TFDP2: variants seen among roughly 807,000 people sequenced by gnomAD.
TFDP2 encodes the protein transcription factor Dp-2.
TFDP2 carries 17 observed loss-of-function variants against 59.3 expected under a neutral mutation model. The ratio of observed to expected loss-of-function variants is 0.29; its 90% CI spans 0.20 to 0.43. The LOEUF (loss-of-function observed/expected upper bound fraction) is 0.43. TFDP2 is among the 20% of genes least tolerant of loss of function. The pLI is 1.00. For synonymous variants in TFDP2, 180 were observed against 194.7 expected (o/e 0.92, Z 0.63); for missense variants, 391 against 528.8 (o/e 0.74, Z 2.56).
intron 1 of TFDP2, among the ~76,000 whole-genome samples, chr3:142,144,106 G>A (rs1051231374): frequency 6.6e-6 from 1 of 152,166 alleles, no homozygotes; most frequent in African/African-American, 2.4e-5. Flanking sequence ...AGGCACGATG[G>A]CTCACATCTG....
At chr3:142,100,724 A>T (rs746466680) in intron 2 of TFDP2, among the ~76,000 whole-genome samples, 2 of 151,126 alleles carry the variant, frequency 1.3e-5, no homozygotes, top group Non-Finnish European at 2.9e-5. Flanking sequence ...GTCCCCTAAC[A>T]TATAGATGGA....
chr3:142,072,063 T>C (rs1003830837), intron 3 of TFDP2, among the ~76,000 whole-genome samples: 4 of 152,112 alleles, frequency 2.6e-5, no homozygotes, highest in Admixed American at 6.6e-5. Flanking sequence ...CATGGAACAC[T>C]ATAGCATTTA....
intron 11 of TFDP2, among the ~76,000 whole-genome samples, chr3:141,956,508 C>T (rs1186764936): frequency 6.6e-6 from 1 of 151,860 alleles, no homozygotes; most frequent in East Asian, 1.9e-4. Context: ...GCTGAGACTG[C>T]ACCATTGCAC....
intron 3 of TFDP2, among the ~76,000 whole-genome samples, chr3:142,025,662 A>C (rs1043584852): frequency 2.0e-5 from 3 of 152,180 alleles, no homozygotes; most frequent in Non-Finnish European, 4.4e-5. Flanking sequence ...ATAGTTTGTA[A>C]ATCCATTTTA....
chr3:142,092,734 A>T (rs1244944493), intron 3 of TFDP2, among the ~76,000 whole-genome samples: 1 of 152,224 alleles, frequency 6.6e-6, no homozygotes, highest in Non-Finnish European at 1.5e-5. Context: ...TATTTTCTCT[A>T]CTGTACTTCC....
intron 3 of TFDP2, among the ~76,000 whole-genome samples, chr3:142,022,995 C>T (rs1465865071): frequency 6.6e-6 from 1 of 151,146 alleles, no homozygotes; most frequent in Non-Finnish European, 1.5e-5. Context: ...TGGCATGCGC[C>T]CGTAGTCCCA....
At chr3:141,957,998 C>G (rs1936903799) in intron 11 of TFDP2, among the ~76,000 whole-genome samples, 1 of 152,028 alleles carries the variant, frequency 6.6e-6, no homozygotes, top group Non-Finnish European at 1.5e-5. Context: ...TTTAGAAAAG[C>G]TACAATGGTA....
intron 1 of TFDP2, among the ~76,000 whole-genome samples, chr3:142,114,276 A>G (rs2108679178): frequency 6.6e-6 from 1 of 152,336 alleles, no homozygotes; most frequent in Non-Finnish European, 1.5e-5. Flanking sequence ...AGTTTAAATA[A>G]ATGTTACTAT....
intron 3 of TFDP2, among the ~76,000 whole-genome samples, chr3:142,039,870 TG>T (rs1372524728): frequency 6.6e-6 from 1 of 152,114 alleles, no homozygotes; most frequent in Non-Finnish European, 1.5e-5. Context: ...AAAAACCATC[TG>T]GTACCCCAGG....
At chr3:141,959,375 G>A (rs1389641758) in intron 11 of TFDP2, among the ~76,000 whole-genome samples, 1 of 152,064 alleles carries the variant, frequency 6.6e-6, no homozygotes, top group African/African-American at 2.4e-5. Context: ...CTCTAACTAG[G>A]CTCTAAGCTA....
At chr3:142,006,024 C>T (rs751937735) in intron 3 of TFDP2, among the ~76,000 whole-genome samples, 7 of 152,088 alleles carry the variant, frequency 4.6e-5, no homozygotes, top group Non-Finnish European at 1.0e-4. Context: ...AACATATTTT[C>T]AAACTGTCAA....
chr3:142,112,660 G>C (rs111736639), intron 1 of TFDP2, among the ~76,000 whole-genome samples: 1 of 152,186 alleles, frequency 6.6e-6, no homozygotes, highest in African/African-American at 2.4e-5. Flanking sequence ...CACTGAGGTA[G>C]AATTCTTCTG....
chr3:142,119,011 A>C (rs1365937628), intron 1 of TFDP2, among the ~76,000 whole-genome samples: 2 of 152,160 alleles, frequency 1.3e-5, no homozygotes, highest in Non-Finnish European at 2.9e-5. Context: ...ATACAAAAAA[A>C]CTAACTGGGT....
intron 6 of TFDP2, among the ~76,000 whole-genome samples, 162 bp downstream of exon 6, chr3:141,993,376 G>C (rs998065186): frequency 2.0e-5 from 3 of 152,164 alleles, no homozygotes; most frequent in African/African-American, 7.2e-5. Context: ...CAGATACTAT[G>C]AGTGAACTGG....
intron 3 of TFDP2, among the ~76,000 whole-genome samples, chr3:142,052,660 G>A (rs1947695369): frequency 6.6e-6 from 1 of 151,908 alleles, no homozygotes; most frequent in Non-Finnish European, 1.5e-5. Context: ...TAACTCCTGG[G>A]CTCAAGGGAT....
intron 3 of TFDP2, among the ~76,000 whole-genome samples, chr3:142,015,746 A>G (rs78719490): frequency 0.07 from 10,597 of 152,304 alleles, 475 homozygotes; most frequent in Non-Finnish European, 0.11. Context: ...AGCACTTGAA[A>G]TGTGGTTAGA....
At chr3:142,049,140 C>T (rs894661466) in intron 3 of TFDP2, among the ~76,000 whole-genome samples, 1 of 152,078 alleles carries the variant, frequency 6.6e-6, no homozygotes, top group African/African-American at 2.4e-5. Flanking sequence ...AAAAGGAATA[C>T]AAACAAAGAA....
chr3:141,958,717 G>C (rs533592993), intron 11 of TFDP2, among the ~76,000 whole-genome samples: 4 of 152,206 alleles, frequency 2.6e-5, no homozygotes, highest in Non-Finnish European at 4.4e-5. Flanking sequence ...TAAGACTGGG[G>C]AAAGAGGAAG....
chr3:142,134,333 A>C (rs1391315654), intron 1 of TFDP2, among the ~76,000 whole-genome samples: 2 of 147,422 alleles, frequency 1.4e-5, no homozygotes, highest in Admixed American at 1.4e-4. Context: ...TGGGCAACAG[A>C]GCGAGACCCC....
Sources: gnomAD v4.1 joint callset for allele counts (sites outside exome capture counted in the v4.1 genomes callset) on GRCh38, gnomAD v4.1.1 for gene constraint, MANE v1.5 for transcripts, NCBI Gene and HGNC (gene_info 2026-07-23, HGNC 2026-07-21) for gene names.